The following MPZL1 variants were observed in gnomAD, a reference collection of about 807,000 sequenced individuals.
MPZL1 encodes myelin protein zero-like protein 1.
Under a neutral mutation model 29.3 loss-of-function variants are expected in MPZL1, and 16 were observed. The observed-to-expected ratio is 0.55, with a 90% confidence interval of 0.37 to 0.83. The LOEUF (loss-of-function observed/expected upper bound fraction) is 0.83. Ranked by LOEUF, MPZL1 falls within the 40% of genes least tolerant of loss-of-function variation. The pLI is 0.00. For synonymous variants in MPZL1, 143 were observed against 132.0 expected, an observed-to-expected ratio of 1.08 and a Z score of -0.57; for missense variants, 279 against 332.9, an observed-to-expected ratio of 0.84 and a Z score of 1.26.
intron 1 of MPZL1, among the ~76,000 whole-genome samples, chr1:167,760,376 G>A (rs954604767): frequency 6.6e-6 from 1 of 151,786 alleles, no homozygotes; most frequent in Non-Finnish European, 1.5e-5. Context: ...TAATTCTTTT[G>A]TATTTTTAGT....
At chr1:167,731,505 C>G (rs543565737) in intron 1 of MPZL1, among the ~76,000 whole-genome samples, 1 of 147,274 alleles carries the variant, frequency 6.8e-6, no homozygotes, top group Non-Finnish European at 1.5e-5. Flanking sequence ...GGCGCGATCT[C>G]GGCTCACTGC....
chr1:167,730,893 G>T (rs1392372364), intron 1 of MPZL1, among the ~76,000 whole-genome samples: 1 of 152,208 alleles, frequency 6.6e-6, no homozygotes, highest in Non-Finnish European at 1.5e-5. Context: ...CATTGACAGA[G>T]GTTCTGTAGC....
intron 5 of MPZL1, among the ~76,000 whole-genome samples, chr1:167,778,010 T>C (rs988519070): frequency 3.9e-5 from 6 of 152,202 alleles, no homozygotes; most frequent in Non-Finnish European, 7.3e-5. Flanking sequence ...CAATTTACAA[T>C]GTCTGGCACC....
chr1:167,740,907 A>C (rs1023019288), intron 1 of MPZL1, among the ~76,000 whole-genome samples: 3 of 152,168 alleles, frequency 2.0e-5, no homozygotes, highest in African/African-American at 7.2e-5. Context: ...CTTCACTCCC[A>C]TGTCCAATCT....
At chr1:167,730,029 G>A (rs1660230120) in intron 1 of MPZL1, among the ~76,000 whole-genome samples, 1 of 152,086 alleles carries the variant, frequency 6.6e-6, no homozygotes, top group Non-Finnish European at 1.5e-5. Flanking sequence ...AACATTTTGG[G>A]GAAGATTCTG....
chr1:167,777,582 G>A (rs1272448377), intron 5 of MPZL1, among the ~76,000 whole-genome samples: 1 of 152,144 alleles, frequency 6.6e-6, no homozygotes, highest in Non-Finnish European at 1.5e-5. Context: ...CATAGAGAGA[G>A]CGTGCTAGGA....
intron 1 of MPZL1, among the ~76,000 whole-genome samples, chr1:167,734,958 C>T (rs1459430892): frequency 1.3e-5 from 2 of 152,198 alleles, no homozygotes; most frequent in African/African-American, 2.4e-5. Flanking sequence ...AGCAGACACC[C>T]TGCAGACGTT....
chr1:167,739,286 T>TATATATATATACAC (rs1230817931), intron 1 of MPZL1, among the ~76,000 whole-genome samples: 36 of 108,286 alleles, frequency 3.3e-4, no homozygotes, highest in African/African-American at 1.9e-3. Flanking sequence ...TATATACATA[T>TATATATATATACAC]ATATATATAT....
intron 1 of MPZL1, among the ~76,000 whole-genome samples, chr1:167,747,484 C>T (rs73037850): frequency 0.018 from 2,813 of 152,192 alleles, 89 homozygotes; most frequent in African/African-American, 0.063. Context: ...CTCAGCCTCC[C>T]GAAGTGCTGA....
rs199973930 is a variant in MPZL1 at position 167,763,500 on chromosome 1, C to CAA, written c.92-2070_92-2069dup. On this transcript the variant is annotated intron_variant, in intron 1 of 5. Transcript: ENST00000359523. ...GAGTGACAAGATTGAGACTCGGTCT[C>CAA]AAAAAAAAAAAAAAGAAAGAAAGAA... is the stretch of plus-strand genomic sequence containing the variant. Among the ~76,000 whole-genome samples the CAA allele has an allele frequency of 3.7e-4, 41 of 111,008 alleles. 1 individual carries two copies. Among genetic ancestry groups the CAA allele is most frequent in the Admixed American group, 1.3e-3 (15 of 11,464 alleles). 72.8% of individuals were successfully genotyped at this position (111,008 alleles called of 152,430 possible).
intron 1 of MPZL1, among the ~76,000 whole-genome samples, chr1:167,760,783 G>GTGTC (rs1553255557): frequency 0.11 from 16,122 of 147,244 alleles, 1,149 homozygotes; most frequent in African/African-American, 0.15. Flanking sequence ...GTGTGTGTGT[G>GTGTC]TGTGTGTGTG....
intron 1 of MPZL1, among the ~76,000 whole-genome samples, chr1:167,763,272 TG>T (rs1226582261): frequency 6.6e-6 from 1 of 152,110 alleles, no homozygotes; most frequent in African/African-American, 2.4e-5. Context: ...CCCAGCACTT[TG>T]GGGGGGCCGG....
intron 1 of MPZL1, among the ~76,000 whole-genome samples, chr1:167,735,558 T>C (rs1372435713): frequency 6.6e-6 from 1 of 152,180 alleles, no homozygotes; most frequent in Admixed American, 6.5e-5. Flanking sequence ...ATCTATATCT[T>C]GCTGGCATAG....
chr1:167,730,044 G>A lies in MPZL1; in HGVS notation c.91+7802G>A, dbSNP rs1381355315. On this transcript the variant is annotated intron_variant, in intron 1 of 5. Coordinates refer to ENST00000359523, the MANE Select transcript of MPZL1 (RefSeq NM_003953.6). ...AACATTTTGGGGAAGATTCTGGAATGTCTTAAGTGTTTACAGAGTGGCTTT... is the reference window on the plus strand; with the variant it reads ...AACATTTTGGGGAAGATTCTGGAATATCTTAAGTGTTTACAGAGTGGCTTT... Among the ~76,000 whole-genome samples the A allele has an allele frequency of 2.6e-5, 4 of 152,154 alleles. No individual in the cohort carries two copies. In the East Asian group the frequency reaches 7.7e-4, roughly 29 times the overall value.
chr1:167,749,014 C>T (rs1011931641), intron 1 of MPZL1, among the ~76,000 whole-genome samples: 5 of 152,102 alleles, frequency 3.3e-5, no homozygotes, highest in African/African-American at 1.2e-4. Flanking sequence ...AAAGTTGTTT[C>T]ATATCACCCT....
At chr1:167,771,607 T>G (rs1333156404) in intron 2 of MPZL1, among the ~76,000 whole-genome samples, 2 of 150,588 alleles carry the variant, frequency 1.3e-5, no homozygotes, top group Non-Finnish European at 3.0e-5. Context: ...CCAGACGGGG[T>G]GGTGGCCGGG....
chr1:167,760,670 G>C (rs1660966510), intron 1 of MPZL1, among the ~76,000 whole-genome samples: 3 of 152,028 alleles, frequency 2.0e-5, no homozygotes, highest in Admixed American at 2.0e-4. Flanking sequence ...GAAGTTTGGG[G>C]GGTGGGAATC....
intron 2 of MPZL1, among the ~76,000 whole-genome samples, chr1:167,770,623 TCTC>T (rs1421664355): frequency 6.6e-6 from 1 of 152,210 alleles, no homozygotes. Context: ...TTAGGATTCT[TCTC>T]CTTTGTGCTT....
chr1:167,726,012 T>G (rs1402647067), intron 1 of MPZL1, among the ~76,000 whole-genome samples: 1 of 152,264 alleles, frequency 6.6e-6, no homozygotes, highest in Non-Finnish European at 1.5e-5. Flanking sequence ...TTTAAAATCC[T>G]TAATGGCTTC....
Sources: allele counts gnomAD v4.1 joint callset (sites outside exome capture counted in the v4.1 genomes callset), GRCh38; gene constraint gnomAD v4.1.1; transcripts MANE v1.5; gene names NCBI Gene and HGNC (gene_info 2026-07-23, HGNC 2026-07-21).